DLGAP2: variants seen among roughly 807,000 people sequenced by gnomAD.
DLGAP2 encodes disks large-associated protein 2.
A neutral mutation model predicts 100.3 loss-of-function variants in DLGAP2; 26 were observed. The observed-to-expected ratio is 0.26, with a 90% CI of 0.19 to 0.36. DLGAP2 has a LOEUF of 0.36. DLGAP2 is among the 10% of genes least tolerant of loss of function. The pLI, the probability that DLGAP2 is intolerant of heterozygous loss-of-function variation, is 1.00. For synonymous variants in DLGAP2, 886 were observed against 630.1 expected (o/e 1.41, Z -6.08); for missense variants, 1,858 against 1,453.2 (o/e 1.28, Z -4.53).
chr8:1,603,213 G>T (rs1796684696), intron 6 of DLGAP2, among the ~76,000 whole-genome samples: 1 of 151,454 alleles, frequency 6.6e-6, no homozygotes, highest in Non-Finnish European at 1.5e-5. Context: ...TGCAGAGCTG[G>T]TTAGAGTGGA....
Position 1,435,572 on chromosome 8 carries a change from G to A in DLGAP2, c.107-65794G>A, listed in dbSNP as rs546810171. The stretch of plus-strand genomic sequence containing the variant: ...GCATCTTGTGATGGTGCTGACAGAC[G>A]ACCATGTTGCTGGTTTATGCATCTG... On this transcript the variant is annotated intron_variant, in intron 3 of 14. Transcript: ENST00000637795. Among the ~76,000 whole-genome samples the A allele has an allele frequency of 3.0e-4, 45 of 152,208 alleles. No individual in the cohort carries two copies. In the East Asian group the frequency reaches 3.1e-3, roughly 11 times the overall value.
chr8:953,073 A>G (rs1201076982), intron 2 of DLGAP2, among the ~76,000 whole-genome samples: 1 of 152,248 alleles, frequency 6.6e-6, no homozygotes, highest in African/African-American at 2.4e-5. Flanking sequence ...CCTATACAAC[A>G]TGGAAAAATC....
intron 1 of DLGAP2, among the ~76,000 whole-genome samples, chr8:825,186 G>T (rs986970759): frequency 5.9e-5 from 9 of 152,162 alleles, no homozygotes; most frequent in African/African-American, 2.2e-4. Flanking sequence ...CTCTGCTACC[G>T]TACGGCTGTC....
chr8:893,005 C>G, intron 1 of DLGAP2: 1 of 150,540 alleles, frequency 6.6e-6, no homozygotes, highest in East Asian at 2.1e-4. Flanking sequence ...GTTCCAGGAT[C>G]AAGCTCTGGA....
intron 1 of DLGAP2, among the ~76,000 whole-genome samples, chr8:823,178 G>T (rs944405441): frequency 6.6e-6 from 1 of 152,046 alleles, no homozygotes; most frequent in African/African-American, 2.4e-5. Context: ...CTACCCACTT[G>T]GTGGCCTCAG....
intron 2 of DLGAP2, among the ~76,000 whole-genome samples, chr8:909,047 T>C (rs1261332135): frequency 2.0e-5 from 3 of 152,206 alleles, no homozygotes; most frequent in Admixed American, 2.0e-4. Context: ...ATACAATCTT[T>C]ATTAATTACG....
chr8:1,382,827 A>T (rs928281125), intron 3 of DLGAP2, among the ~76,000 whole-genome samples: 1 of 152,218 alleles, frequency 6.6e-6, no homozygotes, highest in Non-Finnish European at 1.5e-5. Context: ...TTCATCAAAG[A>T]GGACTGGTTG....
At chr8:782,273 A>T (rs753547641) in intron 1 of DLGAP2, among the ~76,000 whole-genome samples, 3 of 152,104 alleles carry the variant, frequency 2.0e-5, no homozygotes, top group Non-Finnish European at 4.4e-5. Context: ...TGTCCTACTC[A>T]TTAGAATTCC....
At chr8:1,353,720 A>G (rs1563101284) in intron 3 of DLGAP2, among the ~76,000 whole-genome samples, 1 of 152,228 alleles carries the variant, frequency 6.6e-6, no homozygotes, top group Non-Finnish European at 1.5e-5. Context: ...AAGAAAAATA[A>G]TTTACTTAAC....
At chr8:978,926 T>G (rs1208977599) in intron 2 of DLGAP2, among the ~76,000 whole-genome samples, 1 of 152,206 alleles carries the variant, frequency 6.6e-6, no homozygotes, top group African/African-American at 2.4e-5. Flanking sequence ...AACTCCGTAA[T>G]CTTTCTCTGC....
At chr8:823,373 G>C (rs999350093) in intron 1 of DLGAP2, among the ~76,000 whole-genome samples, 1 of 151,986 alleles carries the variant, frequency 6.6e-6, no homozygotes, top group Non-Finnish European at 1.5e-5. Context: ...AGAAAAGACA[G>C]TTCACAGTAC....
At chr8:951,300 C>T (rs543983487) in intron 2 of DLGAP2, among the ~76,000 whole-genome samples, 1 of 152,298 alleles carries the variant, frequency 6.6e-6, no homozygotes, top group South Asian at 2.1e-4. Context: ...GGCTGGAGTG[C>T]AGTGGTGTGA....
At chr8:1,174,552 A>G (rs1363835455) in intron 2 of DLGAP2, among the ~76,000 whole-genome samples, 1 of 139,266 alleles carries the variant, frequency 7.2e-6, no homozygotes, top group Non-Finnish European at 1.6e-5. Flanking sequence ...ACCATCACCA[A>G]AGTCATTATT....
chr8:1,165,095 C>A (rs1231543722), intron 2 of DLGAP2, among the ~76,000 whole-genome samples: 1 of 151,446 alleles, frequency 6.6e-6, no homozygotes, highest in African/African-American at 2.4e-5. Context: ...ATGTTTCCTT[C>A]CCTCTCAGGC....
At chr8:1,420,705 C>T (rs1361036551) in intron 3 of DLGAP2, among the ~76,000 whole-genome samples, 1 of 152,160 alleles carries the variant, frequency 6.6e-6, no homozygotes, top group Non-Finnish European at 1.5e-5. Flanking sequence ...CCCAGTAAAG[C>T]CACTGCTGTT....
chr8:1,067,423 G>C (rs980095087), intron 2 of DLGAP2, among the ~76,000 whole-genome samples: 2 of 152,192 alleles, frequency 1.3e-5, no homozygotes, highest in Non-Finnish European at 2.9e-5. Flanking sequence ...GCAGGCTCCT[G>C]AGTGTACTTG....
intron 1 of DLGAP2, among the ~76,000 whole-genome samples, chr8:837,871 C>T (rs912832446): frequency 2.0e-5 from 3 of 149,134 alleles, no homozygotes; most frequent in South Asian, 2.1e-4. Context: ...CATGCATCAC[C>T]ACGCCCGGCT....
chr8:774,626 T>C (rs1359927338), intron 1 of DLGAP2, among the ~76,000 whole-genome samples: 3 of 151,164 alleles, frequency 2.0e-5, no homozygotes, highest in East Asian at 3.9e-4. Flanking sequence ...CATTGCTTGT[T>C]TTTCTCAGGT....
At chr8:1,317,929 AG>A (rs1800801892) in intron 3 of DLGAP2, among the ~76,000 whole-genome samples, 1 of 89,128 alleles carries the variant, frequency 1.1e-5, no homozygotes, top group African/African-American at 5.5e-5. Context: ...GACACTCGTC[AG>A]CGTTTAAAAA....
Sources: gnomAD v4.1 joint callset for allele counts (sites outside exome capture counted in the v4.1 genomes callset) on GRCh38, gnomAD v4.1.1 for gene constraint, MANE v1.5 for transcripts, NCBI Gene and HGNC (gene_info 2026-07-23, HGNC 2026-07-21) for gene names.